The following NUP35 variants were observed in gnomAD, a reference collection of about 807,000 sequenced individuals.
NUP35 encodes nucleoporin NUP35.
Under a neutral mutation model 41.5 loss-of-function variants are expected in NUP35, and 25 were observed. The ratio of observed to expected loss-of-function variants is 0.60; its 90% CI spans 0.44 to 0.84. The LOEUF (loss-of-function observed/expected upper bound fraction) is 0.84. Ranked by LOEUF, NUP35 falls within the 40% of genes least tolerant of loss-of-function variation. The probability of loss-of-function intolerance (pLI) is 0.00; values close to 1 mark genes in which losing one functional copy is unlikely to be tolerated. For synonymous variants in NUP35, 149 were observed against 130.7 expected, an observed-to-expected ratio of 1.14 and a Z score of -0.96; for missense variants, 396 against 396.6, an observed-to-expected ratio of 1.00 and a Z score of 0.01.
rs76840183 is a variant in NUP35, at chr2:183,127,666, C to T, written c.41-621C>T. ...GCTTTGTATGTATAAGTAGTGCAGC[C>T]TGTCCTTGTTTTTGGTTGTTACATA... is the stretch of plus-strand genomic sequence containing the variant. On this transcript the variant is annotated intron_variant, in intron 1 of 8. Coordinates refer to ENST00000295119, the MANE Select transcript of NUP35 (RefSeq NM_138285.5). Among the ~76,000 whole-genome samples, 1,307 of 152,278 alleles carry T rather than the reference C, an allele frequency of 8.6e-3. 17 individuals are homozygous for T. The highest frequency in any genetic ancestry group is 0.03 in the African/African-American group (1,229 of 41,544).
intron 1 of NUP35, among the ~76,000 whole-genome samples, chr2:183,118,079 C>G (rs936877042): frequency 3.9e-5 from 6 of 152,138 alleles, no homozygotes; most frequent in African/African-American, 1.4e-4. Context: ...TATTAAGCAT[C>G]TGCACCATCC....
chr2:183,148,489 A>G (rs2105594946), intron 4 of NUP35, among the ~76,000 whole-genome samples: 1 of 152,244 alleles, frequency 6.6e-6, no homozygotes, highest in Middle Eastern at 3.4e-3. Flanking sequence ...GTTTAACAAT[A>G]GCCATTCTGA....
At chr2:183,149,102 G>A (rs1423275990) in intron 4 of NUP35, among the ~76,000 whole-genome samples, 1 of 152,182 alleles carries the variant, frequency 6.6e-6, no homozygotes, top group African/African-American at 2.4e-5. Context: ...CAAGTCAGGA[G>A]ATACATACAA....
At chr2:183,138,264 TA>T (rs1684957521) in intron 4 of NUP35, among the ~76,000 whole-genome samples, 2 of 55,010 alleles carry the variant, frequency 3.6e-5, no homozygotes, top group African/African-American at 2.1e-4. Flanking sequence ...TATATATATA[TA>T]TATATTTTTT....
upstream of NUP35, among the ~76,000 whole-genome samples, chr2:183,121,833 A>G (rs138931929): frequency 0.035 from 5,340 of 151,616 alleles, 288 homozygotes; most frequent in African/African-American, 0.12. Context: ...TACATCTCAA[A>G]ATAAATAAAT....
At chr2:183,151,093 G>T (rs1685454339) in intron 4 of NUP35, among the ~76,000 whole-genome samples, 1 of 152,204 alleles carries the variant, frequency 6.6e-6, no homozygotes, top group African/African-American at 2.4e-5. Flanking sequence ...GGTTGCAACT[G>T]TATAGCTGAG....
At chr2:183,126,323 G>A (rs1055671754) in intron 1 of NUP35, among the ~76,000 whole-genome samples, 1 of 152,154 alleles carries the variant, frequency 6.6e-6, no homozygotes, top group Admixed American at 6.5e-5. Flanking sequence ...GCCTTCTACT[G>A]TGTCTGTATG....
intron 4 of NUP35, among the ~76,000 whole-genome samples, chr2:183,134,639 G>A (rs780995859): frequency 6.6e-6 from 1 of 150,650 alleles, no homozygotes; most frequent in Non-Finnish European, 1.5e-5. Context: ...TTTTTGAGAT[G>A]GAGTCTTGGT....
upstream of NUP35, among the ~76,000 whole-genome samples, chr2:183,120,483 G>A (rs1332208122): frequency 1.3e-5 from 2 of 151,676 alleles, no homozygotes; most frequent in African/African-American, 2.4e-5. Context: ...GGCTACTGGT[G>A]TGTTAGGCTT....
chr2:183,129,330 C>T (rs976596522), intron 2 of NUP35, among the ~76,000 whole-genome samples: 6 of 152,180 alleles, frequency 3.9e-5, no homozygotes, highest in East Asian at 1.9e-4. Flanking sequence ...AAAATGACTT[C>T]GAAGTTTTAA....
chr2:183,153,488 T>C (rs887622613), intron 5 of NUP35, among the ~76,000 whole-genome samples: 2 of 152,064 alleles, frequency 1.3e-5, no homozygotes, highest in Non-Finnish European at 2.9e-5. Context: ...ATGGGAGAAA[T>C]TGGCCAAAAC....
chr2:183,137,340 A>C (rs1042479115), intron 4 of NUP35, among the ~76,000 whole-genome samples: 4 of 152,154 alleles, frequency 2.6e-5, no homozygotes, highest in Non-Finnish European at 5.9e-5. Flanking sequence ...CATGCCTGTA[A>C]TCCCGAGGCA....
intron 4 of NUP35, among the ~76,000 whole-genome samples, chr2:183,140,456 A>C (rs538096711): frequency 6.6e-6 from 1 of 152,334 alleles, no homozygotes; most frequent in East Asian, 1.9e-4. Flanking sequence ...CTCATGTCAG[A>C]TTAACTATGC....
intron 5 of NUP35, among the ~76,000 whole-genome samples, chr2:183,155,824 A>T (rs895930398): frequency 6.6e-6 from 1 of 152,124 alleles, no homozygotes; most frequent in African/African-American, 2.4e-5. Flanking sequence ...TAATTAGATA[A>T]ATTACTTGAA....
intron 2 of NUP35, among the ~76,000 whole-genome samples, 188 bp downstream of exon 2, chr2:183,128,645 A>T (rs1684586136): frequency 6.6e-6 from 1 of 152,130 alleles, no homozygotes; most frequent in Non-Finnish European, 1.5e-5. Context: ...GTTTTAAGAA[A>T]GTTTACCAAT....
chr2:183,125,399 A>G (rs1394295808), intron 1 of NUP35, among the ~76,000 whole-genome samples: 2 of 152,252 alleles, frequency 1.3e-5, no homozygotes, highest in East Asian at 3.9e-4. Flanking sequence ...CTGAGCTTGG[A>G]AAAGAGAGCA....
intron 3 of NUP35, among the ~76,000 whole-genome samples, chr2:183,132,410 A>T (rs78858069): frequency 0.045 from 6,857 of 151,248 alleles, 246 homozygotes; most frequent in South Asian, 0.15. Flanking sequence ...AAAAAAAAAA[A>T]GGCTAGATGT....
chr2:183,130,278 C>T (rs1415997614), intron 2 of NUP35, 140 bp from the exon 3 acceptor site: 2 of 824,068 alleles, frequency 2.4e-6, no homozygotes, highest in Non-Finnish European at 3.6e-6. Context: ...TAACAAGGTC[C>T]CCAGGTGACT....
intron 4 of NUP35, among the ~76,000 whole-genome samples, chr2:183,134,238 C>T (rs1053251337): frequency 6.6e-6 from 1 of 152,238 alleles, no homozygotes; most frequent in East Asian, 1.9e-4. Context: ...TATTTGAGCA[C>T]CTAACTGTGT....
Sources: allele counts gnomAD v4.1 joint callset (sites outside exome capture counted in the v4.1 genomes callset), GRCh38; gene constraint gnomAD v4.1.1; transcripts MANE v1.5; gene names NCBI Gene and HGNC (gene_info 2026-07-23, HGNC 2026-07-21).